The following PDZRN3 variants were observed in gnomAD, a reference collection of about 807,000 sequenced individuals.
The protein encoded by PDZRN3 is PDZ domain containing ring finger 3.
PDZRN3 carries 38 observed loss-of-function variants against 85.7 expected under a neutral mutation model. The ratio of observed to expected loss-of-function variants is 0.44; its 90% CI spans 0.34 to 0.58. The LOEUF (loss-of-function observed/expected upper bound fraction) is 0.58. Among genes scored for constraint, PDZRN3 ranks in the 20% least tolerant of loss-of-function variants. PDZRN3 has a pLI of 0.01. For missense variants in PDZRN3, 1,629 were observed against 1,506.4 expected, an observed-to-expected ratio of 1.08 and a Z score of -1.35; for synonymous variants, 759 against 638.0, an observed-to-expected ratio of 1.19 and a Z score of -2.86.
chr3:73,478,860 G>T (rs530468565), intron 3 of PDZRN3, among the ~76,000 whole-genome samples: 21 of 152,288 alleles, frequency 1.4e-4, no homozygotes, highest in Middle Eastern at 3.4e-3. Flanking sequence ...TTAAAATGGG[G>T]CTAAAAGAAA....
chr3:73,523,821 C>A (rs1704455224), intron 3 of PDZRN3, among the ~76,000 whole-genome samples: 1 of 152,112 alleles, frequency 6.6e-6, no homozygotes, highest in African/African-American at 2.4e-5. Context: ...AAGCTGCACT[C>A]ATTTAGGAAT....
intron 3 of PDZRN3, among the ~76,000 whole-genome samples, chr3:73,490,560 G>A (rs1359837121): frequency 6.6e-6 from 1 of 152,140 alleles, no homozygotes; most frequent in East Asian, 1.9e-4. Flanking sequence ...AAAGATCAAA[G>A]GTTTTTTTTC....
At chr3:73,505,222 C>A (rs939236848) in intron 3 of PDZRN3, among the ~76,000 whole-genome samples, 1 of 152,134 alleles carries the variant, frequency 6.6e-6, no homozygotes, top group Non-Finnish European at 1.5e-5. Context: ...TGGTTACCCA[C>A]GAATAATCAT....
chr3:73,528,017 A>G (rs1023055277), intron 3 of PDZRN3, among the ~76,000 whole-genome samples: 1 of 152,212 alleles, frequency 6.6e-6, no homozygotes, highest in Non-Finnish European at 1.5e-5. Context: ...GTCCACACAC[A>G]ATAAACCTGG....
rs183266078 is a variant in PDZRN3 at position 73,587,677 on chromosome 3, C to G, written c.918+14677G>C. The stretch of plus-strand genomic sequence containing the variant: ...AATCTCCAAGGACTCTTTCTTTCCT[C>G]AACCAACCAAACCAAAGCAGGCACA... On this transcript the variant is annotated intron_variant, in intron 3 of 9. Transcript: ENST00000263666. 5.5e-4 allele frequency among the ~76,000 whole-genome samples: 84 copies of G among 152,292 alleles called. 1 individual carries two copies. Among genetic ancestry groups the G allele is most frequent in the African/African-American group, 1.8e-3 (74 of 41,576 alleles).
intron 1 of PDZRN3, among the ~76,000 whole-genome samples, chr3:73,623,159 C>T (rs956846664): frequency 6.6e-6 from 1 of 152,170 alleles, no homozygotes; most frequent in Non-Finnish European, 1.5e-5. Flanking sequence ...TTCTAGGTAA[C>T]ACTTGTTGAG....
chr3:73,624,933 C>T lies in PDZRN3; in HGVS notation c.-108G>A. The stretch of plus-strand genomic sequence containing the variant: ...CGCCGCCCGCGCGCTCGCTGGCTCT[C>T]CCCGGACTGAGCCTAATTGATCCAG... On this transcript the variant is annotated 5_prime_UTR_variant, in exon 1 of 10. Coordinates refer to ENST00000263666, the MANE Select transcript of PDZRN3 (RefSeq NM_015009.3). 2.4e-6 allele frequency: 2 copies of T among 837,210 alleles called. No individual in the cohort carries two copies. The highest frequency in any genetic ancestry group is 1.8e-5 in the African/African-American group (1 of 56,464). 51.9% of individuals were successfully genotyped at this position (837,210 alleles called of 1,614,324 possible).
intron 3 of PDZRN3, among the ~76,000 whole-genome samples, chr3:73,487,738 T>A (rs927764517): frequency 5.3e-5 from 8 of 152,226 alleles, no homozygotes; most frequent in African/African-American, 1.9e-4. Flanking sequence ...GCTGAATAAT[T>A]CCTGTGTCAC....
rs968397455 is a variant in PDZRN3 at position 73,383,087 on chromosome 3, T to TAAAC, written c.*274_*277dup. On this transcript the variant is annotated 3_prime_UTR_variant, in exon 10 of 10. Coordinates refer to ENST00000263666, the MANE Select transcript of PDZRN3 (RefSeq NM_015009.3). ...CTTAATAAAAGATCTTTCTGAAATTTAAACACTTTATGTAAAAGGGTACAG... is the reference window on the plus strand; with the variant it reads ...CTTAATAAAAGATCTTTCTGAAATTTAAACAAACACTTTATGTAAAAGGGTACAG... The TAAAC allele has an allele frequency of 9.4e-6, 3 of 320,416 alleles. No homozygotes were observed. Among genetic ancestry groups the TAAAC allele is most frequent in the East Asian group, 1.0e-4 (2 of 19,348 alleles). The allele number at this position is 320,416 out of a possible 1,614,324, so 19.8% of individuals were successfully genotyped here. A position where few individuals can be genotyped will look rare whatever the true frequency, so the allele number is the denominator to read the frequency against.
chr3:73,421,917 G>C (rs1367274796), intron 3 of PDZRN3, among the ~76,000 whole-genome samples: 1 of 152,202 alleles, frequency 6.6e-6, no homozygotes, highest in African/African-American at 2.4e-5. Flanking sequence ...AAAGTGCTGG[G>C]ATTACAGGCG....
At chr3:73,502,188 C>T (rs1310393879) in intron 3 of PDZRN3, among the ~76,000 whole-genome samples, 1 of 152,182 alleles carries the variant, frequency 6.6e-6, no homozygotes, top group Non-Finnish European at 1.5e-5. Flanking sequence ...ACTACTTACA[C>T]ATGTGCATCT....
Position 73,384,233 on chromosome 3 carries a change from G to A in PDZRN3, c.2333C>T (p.Ser778Phe), listed in dbSNP as rs750524177. 1.2e-6 allele frequency: 2 copies of A among 1,613,544 alleles called. No homozygotes were observed. The highest frequency in any genetic ancestry group is 1.7e-6 in the Non-Finnish European group (2 of 1,180,028). The change falls in exon 10 of 10, where the codon TCC (serine) becomes TTC (phenylalanine). Residue 778 changes from serine (S) to phenylalanine (F), a missense_variant. By Grantham distance (155) the Ser-to-Phe change is radical (BLOSUM62 -2). Transcript: ENST00000263666. ...GATGCCCTCCGCCGCTCTCCTCAAG[G>A]AGTTGTCGGGGGAGATCTCCAGGGT... ...PLTLEISPDN[S>F]LRRAAEGISC... is the part of the protein sequence containing the mutation.
Position 73,518,369 on chromosome 3 carries a change from C to T in PDZRN3, c.918+83985G>A, listed in dbSNP as rs141940329. The stretch of plus-strand genomic sequence containing the variant: ...GGGGGAAGGAAAAATAGGTAATTAT[C>T]GTTTAACAGATACAGTTTTGGTTTG... On this transcript the variant is annotated intron_variant, in intron 3 of 9. Transcript: ENST00000263666. Among the ~76,000 whole-genome samples the T allele has an allele frequency of 8.0e-3, 1,221 of 152,092 alleles. 56 individuals are homozygous for T. Among genetic ancestry groups the T allele is most frequent in the Admixed American group, 0.063 (958 of 15,270 alleles).
chr3:73,457,910 T>C (rs1413595761), intron 3 of PDZRN3, among the ~76,000 whole-genome samples: 1 of 152,192 alleles, frequency 6.6e-6, no homozygotes, highest in Non-Finnish European at 1.5e-5. Flanking sequence ...CCTCCAGAAC[T>C]GCAAGAAGTA....
chr3:73,581,758 T>C (rs1210606443), intron 3 of PDZRN3, among the ~76,000 whole-genome samples: 3 of 151,758 alleles, frequency 2.0e-5, no homozygotes, highest in Non-Finnish European at 4.4e-5. Context: ...AGAAAACATG[T>C]TGGAAAATGA....
chr3:73,534,771 T>C (rs1357181331), intron 3 of PDZRN3, among the ~76,000 whole-genome samples: 1 of 152,236 alleles, frequency 6.6e-6, no homozygotes, highest in East Asian at 1.9e-4. Flanking sequence ...GATTCTAAGA[T>C]ACCTTTACGG....
At chr3:73,462,308 C>T (rs986357422) in intron 3 of PDZRN3, among the ~76,000 whole-genome samples, 9 of 152,034 alleles carry the variant, frequency 5.9e-5, no homozygotes, top group South Asian at 2.1e-4. Flanking sequence ...GAACTTGAGG[C>T]CGAGGCGGGC....
chr3:73,425,375 G>T (rs76766281), intron 3 of PDZRN3, among the ~76,000 whole-genome samples: 1 of 152,058 alleles, frequency 6.6e-6, no homozygotes, highest in Non-Finnish European at 1.5e-5. Context: ...ATTTCAAAGG[G>T]TGATTCCCAG....
Position 73,384,822 on chromosome 3 carries a change from C to T in PDZRN3, c.1744G>A (p.Glu582Lys). Residue 582 changes from glutamate to lysine, a missense_variant, in exon 10 of 10, where the codon GAG becomes AAG. Physicochemically the swap from Glu to Lys is moderately conservative, Grantham distance 56. Coordinates refer to ENST00000263666, the MANE Select transcript of PDZRN3 (RefSeq NM_015009.3). ...GRTDESTRND[E>K]SSEQENNGDD... ...CCATTGTTCTCTTGCTCCGAGCTCT[C>T]GTCATTACGGGTGCTCTCGTCGGTC... is the stretch of plus-strand genomic sequence containing the variant. The T allele has an allele frequency of 1.2e-6, 2 of 1,614,090 alleles. No homozygotes were observed. Among genetic ancestry groups the T allele is most frequent in the Middle Eastern group, 1.7e-4 (1 of 6,060 alleles).
Sources: gnomAD v4.1 joint callset for allele counts (sites outside exome capture counted in the v4.1 genomes callset) on GRCh38, gnomAD v4.1.1 for gene constraint, MANE v1.5 for transcripts, NCBI Gene and HGNC (gene_info 2026-07-23, HGNC 2026-07-21) for gene names.